The following DNAH8 variants were observed in gnomAD, a reference collection of about 807,000 sequenced individuals.
DNAH8 encodes the protein dynein axonemal heavy chain 8.
DNAH8 carries 382 observed loss-of-function variants against 562.1 expected under a neutral mutation model. The ratio of observed to expected loss-of-function variants is 0.68; its 90% CI spans 0.63 to 0.74. The LOEUF is 0.74. Among genes scored for constraint, DNAH8 ranks in the 30% least tolerant of loss-of-function variants. The pLI, the probability that DNAH8 is intolerant of heterozygous loss-of-function variation, is 0.00. For missense variants in DNAH8, 5,203 were observed against 5,620.4 expected (o/e 0.93, Z 2.37); for synonymous variants, 1,881 against 1,919.4 (o/e 0.98, Z 0.52).
At chr6:38,919,758 G>A (rs1781561911) in intron 70 of DNAH8, among the ~76,000 whole-genome samples, 1 of 152,098 alleles carries the variant, frequency 6.6e-6, no homozygotes, top group South Asian at 2.1e-4. Context: ...TTCCTAATTA[G>A]GAAATGATGA....
chr6:38,854,038 G>A lies in DNAH8; in HGVS notation c.5733+691G>A, dbSNP rs138866334. On this transcript the variant is annotated intron_variant, in intron 41 of 92. Transcript: ENST00000327475. ...TGTGTAAGTGCACGTGTGTGTGTGT[G>A]TATATATATATGTATATATATACAC... Among the ~76,000 whole-genome samples, 205 of 151,614 alleles carry A rather than the reference G, an allele frequency of 1.4e-3. 1 individual carries two copies. Among genetic ancestry groups the A allele is most frequent in the Middle Eastern group, 3.4e-3 (1 of 294 alleles).
intron 88 of DNAH8, among the ~76,000 whole-genome samples, chr6:38,993,883 A>G (rs1764957158): frequency 6.6e-6 from 1 of 152,162 alleles, no homozygotes; most frequent in African/African-American, 2.4e-5. Flanking sequence ...TTCTTCCATT[A>G]ATAACTTTAT....
chr6:38,996,780 T>G (rs563869140), intron 88 of DNAH8, among the ~76,000 whole-genome samples: 1 of 152,298 alleles, frequency 6.6e-6, no homozygotes, highest in East Asian at 1.9e-4. Flanking sequence ...ACTGGTGTGT[T>G]AGAGAGGACA....
At chr6:38,929,121 G>C (rs1455332069) in intron 74 of DNAH8, among the ~76,000 whole-genome samples, 2 of 152,040 alleles carry the variant, frequency 1.3e-5, no homozygotes, top group Non-Finnish European at 2.9e-5. Context: ...CATCTTGTAG[G>C]GGTCCTGAGA....
chr6:38,946,882 C>G (rs1761472787), intron 80 of DNAH8, among the ~76,000 whole-genome samples: 1 of 152,056 alleles, frequency 6.6e-6, no homozygotes, highest in Admixed American at 6.6e-5. Flanking sequence ...TCAAGAACCA[C>G]TGGAAAAATC....
At chr6:38,850,181 C>A in intron 37 of DNAH8, 70 bp from the exon 38 acceptor site, 1 of 1,445,000 alleles carries the variant, frequency 6.9e-7, no homozygotes. Flanking sequence ...TAGAAAATTC[C>A]AAGGTGAAGA....
In DNAH8 at chr6:38,786,858, A is replaced by G. The variant is rs1769204843; in HGVS notation, c.2489A>G (p.Lys830Arg). 1 of 1,613,338 alleles carries G rather than the reference A, an allele frequency of 6.2e-7. No individual in the cohort carries two copies. The highest frequency in any genetic ancestry group is 1.3e-5 in the African/African-American group (1 of 74,916). The change falls in exon 18 of 93, where the codon AAG (lysine) becomes AGG (arginine). Residue 830 changes from lysine to arginine, a missense_variant. Physicochemically the swap from Lys to Arg is conservative, Grantham distance 26. This residue lies in a region of DNAH8 where 2,176 missense variants were observed against 2,365.1 expected (regional missense o/e 0.92). Coordinates refer to ENST00000327475, the MANE Select transcript of DNAH8 (RefSeq NM_001206927.2). ...PKILEVVRET[K>R]CMIKMKLDVP... ...ATTTTGGAAGTTGTTCGGGAAACTAAGTGTATGATAAAAATGAAGTTGGAT... is the reference window on the plus strand; with the variant it reads ...ATTTTGGAAGTTGTTCGGGAAACTAGGTGTATGATAAAAATGAAGTTGGAT...
At chr6:38,919,400 C>T (rs1455683722) in intron 70 of DNAH8, among the ~76,000 whole-genome samples, 1 of 152,132 alleles carries the variant, frequency 6.6e-6, no homozygotes, top group African/African-American at 2.4e-5. Flanking sequence ...TCTGCTGTTG[C>T]CCTCTTCAGA....
Position 38,854,025 on chromosome 6 carries a change from C to CGTGTGT in DNAH8, c.5733+687_5733+692dup, listed in dbSNP as rs371568318. On this transcript the variant is annotated intron_variant, in intron 41 of 92. Coordinates refer to ENST00000327475, the MANE Select transcript of DNAH8 (RefSeq NM_001206927.2). ...TGGGGACCATCTGTGTGTAAGTGCA[C>CGTGTGT]GTGTGTGTGTGTGTATATATATATG... Among the ~76,000 whole-genome samples the CGTGTGT allele has an allele frequency of 9.5e-3, 1,426 of 150,120 alleles. 85 individuals carry two copies. In the East Asian group the frequency reaches 0.14, roughly 14 times the overall value.
intron 32 of DNAH8, 59 bp downstream of exon 32, chr6:38,834,700 G>T (rs1456133709): frequency 3.0e-6 from 4 of 1,327,598 alleles, no homozygotes; most frequent in Non-Finnish European, 4.3e-6. Flanking sequence ...TTATTTTGGG[G>T]AAAGATGGAG....
chr6:38,716,162 A>C (rs554943226), intron 1 of DNAH8, among the ~76,000 whole-genome samples: 62 of 150,282 alleles, frequency 4.1e-4, no homozygotes, highest in Non-Finnish European at 6.1e-4. Context: ...GGGGTTTCAC[A>C]GTGTTAGCCA....
At chr6:38,969,925 G>C (rs1308767440) in intron 82 of DNAH8, among the ~76,000 whole-genome samples, 1 of 152,070 alleles carries the variant, frequency 6.6e-6, no homozygotes, top group African/African-American at 2.4e-5. Flanking sequence ...TAGAGGACAA[G>C]GGTGGAAGTG....
chr6:38,873,746 ACACACACACACACACACACACACC>A (rs987863107), intron 52 of DNAH8, among the ~76,000 whole-genome samples: 5 of 112,028 alleles, frequency 4.5e-5, no homozygotes, highest in African/African-American at 1.5e-4. Flanking sequence ...ACACACACAC[ACACACACACACACACACACACACC>A]CCTGCACTCC....
At chr6:38,788,341 G>A (rs1268388174) in intron 18 of DNAH8, among the ~76,000 whole-genome samples, 1 of 151,936 alleles carries the variant, frequency 6.6e-6, no homozygotes. Flanking sequence ...TAGTAGAGAC[G>A]GGGTTTCACC....
intron 82 of DNAH8, among the ~76,000 whole-genome samples, chr6:38,957,879 A>AC (rs1405315483): frequency 2.0e-5 from 3 of 151,406 alleles, no homozygotes; most frequent in African/African-American, 7.3e-5. Flanking sequence ...AAAAAAAAAA[A>AC]AAAAAAAACA....
chr6:38,755,430 G>T (rs1323931327), intron 9 of DNAH8, among the ~76,000 whole-genome samples: 1 of 152,074 alleles, frequency 6.6e-6, no homozygotes, highest in Non-Finnish European at 1.5e-5. Context: ...CTGCTCTGTT[G>T]TGAGCTACTC....
In DNAH8 at chr6:38,843,295, A is replaced by G. The variant is rs369383703; in HGVS notation, c.4845+392A>G. Among the ~76,000 whole-genome samples, 10 of 151,732 alleles carry G rather than the reference A, an allele frequency of 6.6e-5. No individual in the cohort carries two copies. The East Asian group carries it at 1.7e-3, about 26-fold the overall frequency. ...TATTAAGTTTTTAGAATTTTCTATT[A>G]TTACATTTTTCCTTTCCAAGATTTT... On this transcript the variant is annotated intron_variant, in intron 35 of 92. Transcript: ENST00000327475.
chr6:38,790,209 T>A (rs1412294735), intron 19 of DNAH8, 80 bp from the exon 20 acceptor site: 5 of 796,290 alleles, frequency 6.3e-6, no homozygotes, highest in Non-Finnish European at 1.1e-5. Context: ...ACATATAATA[T>A]TTGTAGGTGA....
chr6:38,774,278 T>C (rs532260229), intron 12 of DNAH8, among the ~76,000 whole-genome samples: 3 of 151,928 alleles, frequency 2.0e-5, no homozygotes, highest in Non-Finnish European at 4.4e-5. Flanking sequence ...GATCTGGAGC[T>C]AGTAGGTGAG....
Sources: gnomAD v4.1 joint callset for allele counts (sites outside exome capture counted in the v4.1 genomes callset) on GRCh38, gnomAD v4.1.1 for gene constraint, gnomAD v4.1.1 regional missense constraint, MANE v1.5 for transcripts, NCBI Gene and HGNC (gene_info 2026-07-23, HGNC 2026-07-21) for gene names.